Variants in EXTL2 observed in about 807,000 individuals in gnomAD.
EXTL2 encodes the protein exostosin-like 2.
In EXTL2, 23 loss-of-function variants were observed where a neutral mutation model predicts 30.7. The ratio of observed to expected loss-of-function variants is 0.75; its 90% CI spans 0.54 to 1.06. The LOEUF (loss-of-function observed/expected upper bound fraction) is 1.06, where lower values mean the gene tolerates loss of function less well. EXTL2 is among the 50% of genes least tolerant of loss of function. The pLI is 0.00. For synonymous variants in EXTL2, 123 were observed against 133.8 expected (o/e 0.92, Z 0.56); for missense variants, 352 against 396.3 (o/e 0.89, Z 0.95).
rs531441928 is a variant in EXTL2, at chr1:100,872,888, T to C, written c.*1054A>G. The C allele has an allele frequency of 6.6e-6, 1 of 152,100 alleles. No homozygotes were observed. Among genetic ancestry groups the C allele is most frequent in the Non-Finnish European group, 1.5e-5 (1 of 67,976 alleles). The allele number at this position is 152,100 out of a possible 1,614,324, so 9.4% of individuals were successfully genotyped here. A position where few individuals can be genotyped will look rare whatever the true frequency, so the allele number is the denominator to read the frequency against. On this transcript the variant is annotated 3_prime_UTR_variant, in exon 5 of 5. Coordinates refer to ENST00000370114, the MANE Select transcript of EXTL2 (RefSeq NM_001033025.3). ...AGACTCCTATAGAATTCCTCTGTTATGACTGGGTTCTTATTTTCTCCTCCT... is the reference window on the plus strand; with the variant it reads ...AGACTCCTATAGAATTCCTCTGTTACGACTGGGTTCTTATTTTCTCCTCCT...
At chr1:100,886,560 T>A (rs1459394880) in intron 2 of EXTL2, among the ~76,000 whole-genome samples, 2 of 152,260 alleles carry the variant, frequency 1.3e-5, no homozygotes, top group East Asian at 3.8e-4. Context: ...TAGCATTTTC[T>A]AGTTTTCCTC....
At chr1:100,878,376 A>G in intron 2 of EXTL2, 1 of 470,714 alleles carries the variant, frequency 2.1e-6, no homozygotes, top group Non-Finnish European at 4.4e-6. Flanking sequence ...TGCTTCATAT[A>G]CCACAGTATG....
chr1:100,877,612 C>T lies in EXTL2; in HGVS notation c.297G>A (p.Trp99Ter). The change falls in exon 3 of 5, where the codon TGG (tryptophan) becomes TGA (stop). Residue 99 changes from tryptophan to a stop codon, truncating the protein, a stop_gained. Transcript: ENST00000370114. LOFTEE classifies it high-confidence loss of function. This position sits in a 1 kb window ranked among gnomAD's most constrained non-coding sequence, Gnocchi z 4.1. ...VPNLHKVIVV[W>*]NNIGEKAPDE... ...CTGGTGCCTTCTCTCCAATATTGTTCCATACCACAATCACTTTGTGCAGAT... is the reference window on the plus strand; with the variant it reads ...CTGGTGCCTTCTCTCCAATATTGTTTCATACCACAATCACTTTGTGCAGAT... The T allele has an allele frequency of 6.2e-7, 1 of 1,613,542 alleles. No homozygotes were observed.
chr1:100,887,066 G>C (rs1650026183), intron 2 of EXTL2, among the ~76,000 whole-genome samples: 1 of 152,188 alleles, frequency 6.6e-6, no homozygotes, highest in Non-Finnish European at 1.5e-5. Flanking sequence ...ATTAGTTCTA[G>C]AAATGGGTCA....
At chr1:100,878,055 A>T in intron 2 of EXTL2, 152 bp from the exon 3 acceptor site, 2 of 670,570 alleles carry the variant, frequency 3.0e-6, no homozygotes, top group South Asian at 4.0e-5. Context: ...ATTTGGCCTA[A>T]GAGATTTTAA....
intron 1 of EXTL2, among the ~76,000 whole-genome samples, chr1:100,891,540 T>C (rs971242116): frequency 6.6e-6 from 1 of 152,170 alleles, no homozygotes; most frequent in Non-Finnish European, 1.5e-5. Context: ...GGTTGGCTTG[T>C]GGATGAAATC....
chr1:100,877,545 T>C lies in EXTL2; in HGVS notation c.364A>G (p.Ile122Val). The change falls in exon 3 of 5, where the codon ATC becomes GTC. Residue 122 changes from isoleucine to valine, a missense_variant. By Grantham distance (29) the Ile-to-Val change is conservative (BLOSUM62 3). Coordinates refer to ENST00000370114, the MANE Select transcript of EXTL2 (RefSeq NM_001033025.3). The surrounding 1 kb of genome is among the most constrained non-coding windows in gnomAD (Gnocchi z 4.1). ...NSLGPHPIPV[I>V]FKQQTANRMR... ...CTGTTTGCTGTCTGTTGTTTGAAGA[T>C]CACAGGGATAGGGTGGGGCCCTAGA... 1.2e-6 allele frequency: 2 copies of C among 1,613,158 alleles called. No individual in the cohort carries two copies. The highest frequency in any genetic ancestry group is 1.7e-6 in the Non-Finnish European group (2 of 1,179,490).
intron 2 of EXTL2, among the ~76,000 whole-genome samples, chr1:100,883,042 A>G (rs929454265): frequency 8.5e-5 from 13 of 152,214 alleles, no homozygotes; most frequent in Admixed American, 1.3e-4. Context: ...GTGGCTAATC[A>G]GCAGCAGAAC....
In EXTL2 at chr1:100,873,869, A is replaced by T. The variant is rs186189164; in HGVS notation, c.*73T>A. 5.0e-4 allele frequency: 721 copies of T among 1,443,010 alleles called. 18 individuals carry two copies. In the East Asian group the frequency reaches 0.015, roughly 31 times the overall value. The allele number at this position is 1,443,010 out of a possible 1,614,324, so 89.4% of individuals were successfully genotyped here. Reference sequence around the variant, plus strand: ...GTAGATAAAATTCATGATGTTGCTTAAAAAAATACATAGCATGGAGAAGCT... The same window carrying T: ...GTAGATAAAATTCATGATGTTGCTTTAAAAAATACATAGCATGGAGAAGCT... On this transcript the variant is annotated 3_prime_UTR_variant, in exon 5 of 5. Coordinates refer to ENST00000370114, the MANE Select transcript of EXTL2 (RefSeq NM_001033025.3).
At chr1:100,889,269 T>A (rs1461884801) in intron 1 of EXTL2, among the ~76,000 whole-genome samples, 1 of 152,128 alleles carries the variant, frequency 6.6e-6, no homozygotes, top group Non-Finnish European at 1.5e-5. Flanking sequence ...AACCATCAGA[T>A]CTTGTGAGAA....
chr1:100,877,410 T>A lies in EXTL2; in HGVS notation c.433+66A>T. ...GACGGTTAAGCAGAAGGCCAGAAATTCACATGTCTGTCCCAGCTCTGGACA... is the reference window on the plus strand; with the variant it reads ...GACGGTTAAGCAGAAGGCCAGAAATACACATGTCTGTCCCAGCTCTGGACA... On this transcript the variant is annotated intron_variant, in intron 3 of 4. Coordinates refer to ENST00000370114, the MANE Select transcript of EXTL2 (RefSeq NM_001033025.3). The surrounding 1 kb of genome is among the most constrained non-coding windows in gnomAD (Gnocchi z 4.1). The A allele has an allele frequency of 7.1e-7, 1 of 1,402,108 alleles. No individual in the cohort carries two copies. Among genetic ancestry groups the A allele is most frequent in the Non-Finnish European group, 9.6e-7 (1 of 1,044,814 alleles). 86.9% of individuals were successfully genotyped at this position (1,402,108 alleles called of 1,614,324 possible). A position where few individuals can be genotyped will look rare whatever the true frequency, so the allele number is the denominator to read the frequency against.
intron 2 of EXTL2, among the ~76,000 whole-genome samples, chr1:100,884,849 G>A (rs1014718125): frequency 1.3e-5 from 2 of 151,864 alleles, no homozygotes; most frequent in Non-Finnish European, 2.9e-5. Flanking sequence ...CAGTCTTAAC[G>A]TATCTTGAGG....
At chr1:100,885,709 C>T (rs757918871) in intron 2 of EXTL2, 4 of 152,156 alleles carry the variant, frequency 2.6e-5, no homozygotes, top group East Asian at 1.9e-4. Context: ...ATACAAGATT[C>T]GGGGAAGAGT....
chr1:100,875,585 G>C (rs182430310), intron 4 of EXTL2, among the ~76,000 whole-genome samples: 2 of 152,146 alleles, frequency 1.3e-5, no homozygotes, highest in East Asian at 3.9e-4. Flanking sequence ...CAAATACAAA[G>C]ACACAGATGA....
Position 100,876,864 on chromosome 1 carries a change from G to A in EXTL2, c.434C>T (p.Ala145Val), listed in dbSNP as rs774780908. The change falls in exon 4 of 5, where the codon GCA (alanine) becomes GTA (valine). Residue 145 changes from alanine to valine, a missense_variant and splice_region_variant. Coordinates refer to ENST00000370114, the MANE Select transcript of EXTL2 (RefSeq NM_001033025.3). ...LQVFPELETNAVLMVDDDTLI... is the reference protein window; with the variant it reads ...LQVFPELETNVVLMVDDDTLI... ...TGTGTCATCATCTACCATCAACACT[G>A]CTAAAATGAAAGGACAAAAATTTAA... The A allele has an allele frequency of 1.2e-6, 2 of 1,608,494 alleles. No individual in the cohort carries two copies. Among genetic ancestry groups the A allele is most frequent in the South Asian group, 2.2e-5 (2 of 90,906 alleles).
chr1:100,873,804 G>A lies in EXTL2; in HGVS notation c.*138C>T, dbSNP rs944640715. On this transcript the variant is annotated 3_prime_UTR_variant, in exon 5 of 5. Transcript: ENST00000370114. ...AAAGTAATGTGAATTTTATATCCTA[G>A]AAGCACTGCACTTTTTTTTCTATTG... 4 of 841,528 alleles carry A rather than the reference G, an allele frequency of 4.8e-6. No individual in the cohort carries two copies. The highest frequency in any genetic ancestry group is 7.2e-6 in the Non-Finnish European group (4 of 559,226). The allele number at this position is 841,528 out of a possible 1,614,324, so 52.1% of individuals were successfully genotyped here.
intron 2 of EXTL2, among the ~76,000 whole-genome samples, chr1:100,882,941 T>G (rs1649681678): frequency 6.6e-6 from 1 of 152,174 alleles, no homozygotes; most frequent in African/African-American, 2.4e-5. Context: ...GAAAGAGACT[T>G]CAGGGTCCTC....
chr1:100,884,076 A>G lies in EXTL2; in HGVS notation c.5+4677T>C, dbSNP rs554974206. On this transcript the variant is annotated intron_variant, in intron 2 of 4. Transcript: ENST00000370114. ...GCTAGTTCCTTCAGACTGGAAAGCA[A>G]TAATTATCCAGAGAGAAGCTGAAAA... is the stretch of plus-strand genomic sequence containing the variant. Among the ~76,000 whole-genome samples the G allele has an allele frequency of 3.0e-4, 45 of 152,310 alleles. No individual in the cohort carries two copies. In the South Asian group the frequency reaches 9.3e-3, roughly 32 times the overall value.
chr1:100,877,832 A>T lies in EXTL2; in HGVS notation c.77T>A (p.Ile26Asn), dbSNP rs1048914297. The T allele has an allele frequency of 1.2e-6, 2 of 1,603,082 alleles. No individual in the cohort carries two copies. The highest frequency in any genetic ancestry group is 1.7e-6 in the Non-Finnish European group (2 of 1,179,584). The change falls in exon 3 of 5, where the codon ATC becomes AAC. Residue 26 changes from isoleucine to asparagine, a missense_variant. Transcript: ENST00000370114. The surrounding 1 kb of genome is among the most constrained non-coding windows in gnomAD (Gnocchi z 4.1). ...ACCAGCTACCAGTAATAATACGAGG[A>T]TGACCACCAAAGATAATCGAAGCAC... ...IRVLRLSLVV[I>N]LVLLLVAGAL...
Sources: gnomAD v4.1 joint callset for allele counts (sites outside exome capture counted in the v4.1 genomes callset) on GRCh38, gnomAD v4.1.1 for gene constraint, Gnocchi (gnomAD v3.1) non-coding constraint, MANE v1.5 for transcripts, NCBI Gene and HGNC (gene_info 2026-07-23, HGNC 2026-07-21) for gene names.